ANKRD45: variants seen among roughly 807,000 people sequenced by gnomAD.
ANKRD45 encodes the protein ankyrin repeat domain 45, also known as ankyrin repeat domain-containing protein 45.
A neutral mutation model predicts 28.1 loss-of-function variants in ANKRD45; 21 were observed. The observed-to-expected ratio is 0.75, with a 90% confidence interval of 0.53 to 1.08. The LOEUF (loss-of-function observed/expected upper bound fraction) is 1.08. Ranked by LOEUF, ANKRD45 falls within the 50% of genes least tolerant of loss-of-function variation. The probability of loss-of-function intolerance (pLI) is 0.00; values close to 1 mark genes in which losing one functional copy is unlikely to be tolerated. For missense variants in ANKRD45, 261 were observed against 308.7 expected (o/e 0.85, Z 1.16); for synonymous variants, 86 against 103.9 (o/e 0.83, Z 1.05).
intron 3 of ANKRD45, among the ~76,000 whole-genome samples, chr1:173,646,095 G>A (rs1668908502): frequency 6.6e-6 from 1 of 152,178 alleles, no homozygotes; most frequent in Non-Finnish European, 1.5e-5. Context: ...AATAAATGCT[G>A]TAAACTTCAT....
chr1:173,633,043 G>C (rs1668264886), intron 3 of ANKRD45, among the ~76,000 whole-genome samples: 1 of 151,870 alleles, frequency 6.6e-6, no homozygotes. Context: ...TTGGAAAGGA[G>C]GAAGTAAAAT....
At chr1:173,712,962 T>A in the ANKRD45 span, among the ~76,000 whole-genome samples, 2 of 152,184 alleles carry the variant, frequency 1.3e-5, no homozygotes, top group Non-Finnish European at 2.9e-5. Context: ...ATGCTGCTGG[T>A]CCAGGACAAC....
chr1:173,684,885 A>C, the ANKRD45 span, among the ~76,000 whole-genome samples: 34 of 152,220 alleles, frequency 2.2e-4, no homozygotes, highest in Non-Finnish European at 4.3e-4. Context: ...TAGTTTATCC[A>C]ATCTACATTT....
At chr1:173,669,419 C>G (rs754888841) in intron 1 of ANKRD45, 38 of 444,420 alleles carry the variant, frequency 8.6e-5, no homozygotes, top group Non-Finnish European at 4.0e-5. Flanking sequence ...AAAAAGTAGT[C>G]GCTTAATCAA....
At chr1:173,624,337 T>A (rs1486936516) in intron 5 of ANKRD45, among the ~76,000 whole-genome samples, 3 of 151,410 alleles carry the variant, frequency 2.0e-5, no homozygotes, top group African/African-American at 7.3e-5. Context: ...CATAAAAAAT[T>A]TAAAAATTGG....
intron 5 of ANKRD45, among the ~76,000 whole-genome samples, chr1:173,613,569 C>CG (rs1447404118): frequency 7.7e-6 from 1 of 130,640 alleles, no homozygotes; most frequent in Non-Finnish European, 1.5e-5. Context: ...TCAGCCCCCC[C>CG]CCCGGCCAGC....
intron 5 of ANKRD45, among the ~76,000 whole-genome samples, chr1:173,616,096 C>G (rs1221355642): frequency 6.6e-6 from 1 of 150,540 alleles, no homozygotes; most frequent in African/African-American, 2.4e-5. Flanking sequence ...GAGTGAGACT[C>G]CATCTCAAAA....
the ANKRD45 span, among the ~76,000 whole-genome samples, chr1:173,694,919 GA>G: frequency 1.2e-4 from 18 of 152,052 alleles, no homozygotes; most frequent in Non-Finnish European, 2.2e-4. Flanking sequence ...CAATTACACA[GA>G]AAACAACAGA....
At chr1:173,649,581 G>C (rs1394204468) in intron 2 of ANKRD45, among the ~76,000 whole-genome samples, 2 of 152,056 alleles carry the variant, frequency 1.3e-5, no homozygotes, top group Non-Finnish European at 2.9e-5. Flanking sequence ...TCTTTACATA[G>C]ATATATCCTT....
the ANKRD45 span, among the ~76,000 whole-genome samples, chr1:173,699,530 A>G: frequency 3.3e-5 from 5 of 152,338 alleles, no homozygotes; most frequent in Middle Eastern, 3.4e-3. Context: ...ACACAAATCA[A>G]TAAATGTAAT....
chr1:173,634,997 A>AT (rs1380695472), intron 3 of ANKRD45, among the ~76,000 whole-genome samples: 1 of 152,030 alleles, frequency 6.6e-6, no homozygotes, highest in Non-Finnish European at 1.5e-5. Context: ...GTGGTATACT[A>AT]TTTTTTAAGT....
the ANKRD45 span, among the ~76,000 whole-genome samples, chr1:173,689,299 G>A: frequency 6.6e-6 from 1 of 152,148 alleles, no homozygotes; most frequent in African/African-American, 2.4e-5. Flanking sequence ...CCAGATAGAG[G>A]CTGGGGTCAT....
chr1:173,684,874 G>T, the ANKRD45 span, among the ~76,000 whole-genome samples: 1 of 152,186 alleles, frequency 6.6e-6, no homozygotes, highest in Non-Finnish European at 1.5e-5. Flanking sequence ...GGTTGTAGAT[G>T]TAGTTTATCC....
chr1:173,689,829 A>C, the ANKRD45 span, among the ~76,000 whole-genome samples: 13 of 151,964 alleles, frequency 8.6e-5, no homozygotes, highest in African/African-American at 2.7e-4. Flanking sequence ...TGTGGTAGGA[A>C]TGTTTTCATC....
chr1:173,632,904 G>A (rs1028764719), intron 3 of ANKRD45, among the ~76,000 whole-genome samples: 15 of 151,802 alleles, frequency 9.9e-5, no homozygotes, highest in Admixed American at 6.6e-4. Flanking sequence ...ATATAGAACA[G>A]GAAAAACTAA....
intron 2 of ANKRD45, among the ~76,000 whole-genome samples, chr1:173,652,030 G>A (rs1249901454): frequency 6.6e-6 from 1 of 152,172 alleles, no homozygotes; most frequent in Admixed American, 6.5e-5. Flanking sequence ...ACACAATCAT[G>A]TCATCTGCAA....
the ANKRD45 span, chr1:173,675,331 G>T: frequency 2.9e-6 from 1 of 350,844 alleles, no homozygotes; most frequent in Non-Finnish European, 5.6e-6. Flanking sequence ...TTAGAATTCA[G>T]GCCAGTCACG....
chr1:173,712,864 G>C, the ANKRD45 span, among the ~76,000 whole-genome samples: 3 of 152,188 alleles, frequency 2.0e-5, no homozygotes, highest in Admixed American at 2.0e-4. Context: ...GAACTTGTTA[G>C]AACACAGATT....
At chr1:173,694,344 T>A in the ANKRD45 span, among the ~76,000 whole-genome samples, 1 of 152,074 alleles carries the variant, frequency 6.6e-6, no homozygotes, top group African/African-American at 2.4e-5. Context: ...TTTGTAGTTT[T>A]AGTAGAGACA....
Sources: allele counts gnomAD v4.1 joint callset (sites outside exome capture counted in the v4.1 genomes callset), GRCh38; gene constraint gnomAD v4.1.1; transcripts MANE v1.5; gene names NCBI Gene and HGNC (gene_info 2026-07-23, HGNC 2026-07-21).